The following RNF216 variants were observed in gnomAD, a reference collection of about 807,000 sequenced individuals.
The protein encoded by RNF216 is ring finger protein 216.
RNF216 carries 72 observed loss-of-function variants against 110.8 expected under a neutral mutation model. That is an observed-to-expected ratio of 0.65 (90% CI 0.54 to 0.79). The LOEUF (loss-of-function observed/expected upper bound fraction) is 0.79, where lower values mean the gene tolerates loss of function less well. Among genes scored for constraint, RNF216 ranks in the 30% least tolerant of loss-of-function variants. The pLI is 0.00. For synonymous variants in RNF216, 495 were observed against 407.5 expected (o/e 1.21, Z -2.59); for missense variants, 1,342 against 1,141.2 (o/e 1.18, Z -2.54).
chr7:5,719,461 T>A (rs1372815489), intron 9 of RNF216, among the ~76,000 whole-genome samples: 1 of 152,186 alleles, frequency 6.6e-6, no homozygotes, highest in Non-Finnish European at 1.5e-5. Flanking sequence ...ACGGGGTCAT[T>A]TGGCTGTGCC....
chr7:5,682,682 C>A lies in RNF216; in HGVS notation c.2061+29079G>T, dbSNP rs116647630. ...TCAGCCTCCCAAAGGGCTGGGATAT[C>A]GGCGTGAGCCTCTGCGCTCGGCTGA... On this transcript the variant is annotated intron_variant, in intron 13 of 16. Coordinates refer to ENST00000389902, the MANE Select transcript of RNF216 (RefSeq NM_207111.4). 4.2e-3 allele frequency among the ~76,000 whole-genome samples: 641 copies of A among 152,220 alleles called. 1 individual carries two copies. The highest frequency in any genetic ancestry group is 0.014 in the African/African-American group (567 of 41,536).
intron 3 of RNF216, among the ~76,000 whole-genome samples, chr7:5,742,986 G>A (rs1042221519): frequency 1.3e-5 from 2 of 152,174 alleles, no homozygotes; most frequent in African/African-American, 4.8e-5. Context: ...ACGTAGGCCA[G>A]GCGTGGTGGC....
At chr7:5,701,620 C>T (rs1199228054) in intron 13 of RNF216, among the ~76,000 whole-genome samples, 1 of 152,120 alleles carries the variant, frequency 6.6e-6, no homozygotes, top group African/African-American at 2.4e-5. Context: ...AAGTATTCAC[C>T]CTATGTCACA....
intron 13 of RNF216, among the ~76,000 whole-genome samples, chr7:5,681,885 C>T (rs1044450548): frequency 2.0e-5 from 3 of 152,218 alleles, no homozygotes; most frequent in Non-Finnish European, 4.4e-5. Context: ...AACATGAAGA[C>T]GGGATCTGTG....
intron 13 of RNF216, among the ~76,000 whole-genome samples, chr7:5,709,763 T>G: frequency 6.6e-6 from 1 of 152,326 alleles, no homozygotes; most frequent in South Asian, 2.1e-4. Context: ...TTTTAAATTT[T>G]TTTCTTTTAA....
At chr7:5,704,983 G>A (rs140188930) in intron 13 of RNF216, among the ~76,000 whole-genome samples, 28 of 152,184 alleles carry the variant, frequency 1.8e-4, no homozygotes, top group Non-Finnish European at 3.8e-4. Context: ...GTTGCTGAGG[G>A]GCATAAAAAG....
At chr7:5,623,953 C>T in intron 16 of RNF216, 103 bp downstream of exon 16, 1 of 959,476 alleles carries the variant, frequency 1.0e-6, no homozygotes, top group Non-Finnish European at 1.6e-6. Context: ...GCACCCCCTC[C>T]TCTCCTGTGC....
At chr7:5,626,234 C>T (rs1274347472) in intron 15 of RNF216, among the ~76,000 whole-genome samples, 2 of 152,032 alleles carry the variant, frequency 1.3e-5, no homozygotes, top group Admixed American at 1.3e-4. Context: ...GGGGAACTTA[C>T]TACCTTCAAC....
At chr7:5,721,318 GAA>G in intron 8 of RNF216, 146 bp from the exon 9 acceptor site, 1 of 730,196 alleles carries the variant, frequency 1.4e-6, no homozygotes, top group Non-Finnish European at 2.2e-6. Flanking sequence ...TACCATTTGG[GAA>G]GACTGGGCTT....
At chr7:5,752,631 A>G (rs1795391533) in intron 3 of RNF216, among the ~76,000 whole-genome samples, 1 of 152,230 alleles carries the variant, frequency 6.6e-6, no homozygotes, top group South Asian at 2.1e-4. Flanking sequence ...TGGTGCGTTA[A>G]TAGTCAGATG....
At position 5,696,931 on chromosome 7, in the gene RNF216, T is replaced by C. The variant is rs992354677; in HGVS notation, c.2061+14830A>G. Among the ~76,000 whole-genome samples the C allele has an allele frequency of 6.6e-6, 1 of 152,006 alleles. No homozygotes were observed. The highest frequency in any genetic ancestry group is 2.4e-5 in the African/African-American group (1 of 41,388). On this transcript the variant is annotated intron_variant, in intron 13 of 16. Coordinates refer to ENST00000389902, the MANE Select transcript of RNF216 (RefSeq NM_207111.4). The surrounding 1 kb of genome is among the most constrained non-coding windows in gnomAD (Gnocchi z 5.4). ...CACTCCCTTTCAAGGATCTACAAAA[T>C]TCACCCTCCCACAAGCAGCATGTGA...
chr7:5,774,376 T>C (rs958331595), intron 1 of RNF216, among the ~76,000 whole-genome samples: 8 of 152,218 alleles, frequency 5.3e-5, no homozygotes, highest in African/African-American at 1.9e-4. Flanking sequence ...AGTTCAATGC[T>C]GCAAGTAAGC....
chr7:5,660,578 C>T (rs963538813), intron 13 of RNF216, among the ~76,000 whole-genome samples: 1 of 151,768 alleles, frequency 6.6e-6, no homozygotes. Context: ...GCATGGAGCC[C>T]TGTTTTAATG....
At chr7:5,692,164 T>C (rs77306167) in intron 13 of RNF216, among the ~76,000 whole-genome samples, 2 of 152,322 alleles carry the variant, frequency 1.3e-5, no homozygotes, top group East Asian at 3.9e-4. Flanking sequence ...GCTTGGGAGC[T>C]GGAAGAGGGA....
chr7:5,679,938 C>T (rs1487218189), intron 13 of RNF216, among the ~76,000 whole-genome samples: 1 of 152,184 alleles, frequency 6.6e-6, no homozygotes, highest in African/African-American at 2.4e-5. Context: ...ACAATAGGGA[C>T]CCTGTATGCA....
At chr7:5,757,443 A>G (rs939463152) in intron 2 of RNF216, among the ~76,000 whole-genome samples, 2 of 151,842 alleles carry the variant, frequency 1.3e-5, no homozygotes, top group Non-Finnish European at 2.9e-5. Flanking sequence ...TGCATGATGT[A>G]CCTTTTTTCC....
intron 2 of RNF216, among the ~76,000 whole-genome samples, chr7:5,760,169 G>T (rs1034511293): frequency 6.6e-6 from 1 of 152,162 alleles, no homozygotes; most frequent in Non-Finnish European, 1.5e-5. Flanking sequence ...GAATGTTACA[G>T]AAATGCAAGC....
intron 13 of RNF216, among the ~76,000 whole-genome samples, chr7:5,699,323 A>T (rs182763921): frequency 1.3e-5 from 2 of 152,336 alleles, no homozygotes; most frequent in East Asian, 3.9e-4. Context: ...TAAAAACACA[A>T]ATAACAATGA....
chr7:5,728,550 G>A (rs1793898947), intron 7 of RNF216, among the ~76,000 whole-genome samples: 2 of 151,660 alleles, frequency 1.3e-5, no homozygotes, highest in Non-Finnish European at 2.9e-5. Flanking sequence ...CTCCAGCCTG[G>A]GCAACAGAGT....
Sources: gnomAD v4.1 joint callset for allele counts (sites outside exome capture counted in the v4.1 genomes callset) on GRCh38, gnomAD v4.1.1 for gene constraint, Gnocchi (gnomAD v3.1) non-coding constraint, MANE v1.5 for transcripts, NCBI Gene and HGNC (gene_info 2026-07-23, HGNC 2026-07-21) for gene names.